PDZD2: variants seen among roughly 807,000 people sequenced by gnomAD.
The protein encoded by PDZD2 is PDZ domain containing 2, also known as PDZ domain-containing protein 2.
In PDZD2, 90 loss-of-function variants were observed where a neutral mutation model predicts 220.7. The observed-to-expected ratio is 0.41, with a 90% confidence interval of 0.34 to 0.49. PDZD2 has a LOEUF of 0.49. Ranked by LOEUF, PDZD2 falls within the 20% of genes least tolerant of loss-of-function variation. The pLI is 0.28. For missense variants in PDZD2, 3,174 were observed against 3,608.5 expected (o/e 0.88, Z 3.08); for synonymous variants, 1,375 against 1,450.5 (o/e 0.95, Z 1.18).
intron 19 of PDZD2, among the ~76,000 whole-genome samples, chr5:32,081,097 C>T (rs569105043): frequency 1.3e-5 from 2 of 151,956 alleles, no homozygotes; most frequent in South Asian, 2.1e-4. Context: ...AAAAATACCG[C>T]GGGTTTGTAC....
chr5:31,772,446 TG>T (rs774742016), intron 1 of PDZD2, among the ~76,000 whole-genome samples: 4 of 152,226 alleles, frequency 2.6e-5, no homozygotes, highest in Non-Finnish European at 5.9e-5. Context: ...TCCCCTCTGT[TG>T]TTCAGGTGTG....
intron 5 of PDZD2, among the ~76,000 whole-genome samples, chr5:32,008,621 A>G (rs1366992608): frequency 2.0e-5 from 3 of 152,190 alleles, no homozygotes; most frequent in African/African-American, 7.2e-5. Flanking sequence ...TGCTAGGGAA[A>G]TGAGCACAGG....
chr5:31,809,392 T>C (rs1421730952), intron 2 of PDZD2, among the ~76,000 whole-genome samples: 1 of 152,352 alleles, frequency 6.6e-6, no homozygotes, highest in African/African-American at 2.4e-5. Context: ...AATGGCAACA[T>C]CTGAGCTATC....
chr5:31,806,369 A>G (rs1432223324), intron 2 of PDZD2, among the ~76,000 whole-genome samples: 1 of 152,172 alleles, frequency 6.6e-6, no homozygotes, highest in Non-Finnish European at 1.5e-5. Flanking sequence ...TGTACCCCAG[A>G]CCCGCTTTAG....
intron 2 of PDZD2, among the ~76,000 whole-genome samples, chr5:31,855,604 T>C (rs1225453683): frequency 1.3e-5 from 2 of 152,318 alleles, no homozygotes; most frequent in East Asian, 3.9e-4. Flanking sequence ...CTGTCCCCCA[T>C]CCCTCGCTAG....
chr5:32,088,749 T>C lies in PDZD2; in HGVS notation c.5301T>C (p.Asn1767=). ...CCTTCAGTGTGGATGTCCCTAAGAATGGAGAATCTGTTTTGGAAAACCTCC... is the reference window on the plus strand; with the variant it reads ...CCTTCAGTGTGGATGTCCCTAAGAACGGAGAATCTGTTTTGGAAAACCTCC... ...LSSFSVDVPK[N]GESVLENLHI... is the part of the protein sequence containing the mutation. The change falls in exon 20 of 25, where the codon AAT becomes AAC. Residue 1767 remains asparagine (N), a synonymous_variant. Transcript: ENST00000438447. The surrounding 1 kb of genome is among the most constrained non-coding windows in gnomAD (Gnocchi z 4.6). 4 of 1,614,042 alleles carry C rather than the reference T, an allele frequency of 2.5e-6. No homozygotes were observed. Among genetic ancestry groups the C allele is most frequent in the Non-Finnish European group, 3.4e-6 (4 of 1,179,974 alleles).
At chr5:32,106,382 T>G (rs1215101196) in intron 24 of PDZD2, 1 of 152,272 alleles carries the variant, frequency 6.6e-6, no homozygotes, top group African/African-American at 2.4e-5. Context: ...GAAGCTTTGC[T>G]CACTCACCCA....
intron 1 of PDZD2, among the ~76,000 whole-genome samples, chr5:31,710,764 C>T (rs553495449): frequency 3.3e-5 from 5 of 150,476 alleles, no homozygotes; most frequent in South Asian, 2.1e-4. Flanking sequence ...TGCAGTGAGC[C>T]GGGATCGCGC....
At position 31,639,631 on chromosome 5, in the gene PDZD2, C is replaced by G. The variant is rs962903380; in HGVS notation, c.-361+194C>G. 3.9e-5 allele frequency among the ~76,000 whole-genome samples: 6 copies of G among 152,180 alleles called. No individual in the cohort carries two copies. Among genetic ancestry groups the G allele is most frequent in the African/African-American group, 9.6e-5 (4 of 41,456 alleles). On this transcript the variant is annotated intron_variant, in intron 1 of 24. Transcript: ENST00000438447. This position sits in a 1 kb window ranked among gnomAD's most constrained non-coding sequence, Gnocchi z 4.1. ...CCCACGTTGGGCGGCGCAAACTCCT[C>G]TAGCATCCGGCCGGGGACGGGGAGG...
chr5:32,052,765 G>A (rs764762857), intron 9 of PDZD2, 35 bp downstream of exon 9: 9 of 1,605,100 alleles, frequency 5.6e-6, no homozygotes, highest in Non-Finnish European at 7.7e-6. Flanking sequence ...CTGCCTTCTG[G>A]GTGAATCTTA....
At chr5:31,775,022 C>A (rs1009903371) in intron 1 of PDZD2, among the ~76,000 whole-genome samples, 4 of 152,204 alleles carry the variant, frequency 2.6e-5, no homozygotes, top group African/African-American at 9.7e-5. Context: ...TTGCAAACTT[C>A]CTGAAATTTT....
intron 23 of PDZD2, chr5:32,100,670 A>C (rs561173857): frequency 1.6e-5 from 6 of 367,036 alleles, no homozygotes; most frequent in South Asian, 1.2e-4. Flanking sequence ...TGGTGCTGCC[A>C]AGTCTTGGTA....
intron 2 of PDZD2, among the ~76,000 whole-genome samples, chr5:31,953,545 T>TG (rs932966735): frequency 2.0e-5 from 3 of 152,098 alleles, no homozygotes; most frequent in Admixed American, 2.0e-4. Context: ...CCTGGCATGG[T>TG]GGCTCTCACT....
At chr5:31,822,683 C>T in intron 2 of PDZD2, 11 of 1,316,230 alleles carry the variant, frequency 8.4e-6, no homozygotes, top group Non-Finnish European at 1.1e-5. Context: ...GAAACAAGCT[C>T]AATGTCATTT....
At chr5:32,053,674 G>T in intron 9 of PDZD2, 95 bp from the exon 10 acceptor site, 3 of 765,592 alleles carry the variant, frequency 3.9e-6, no homozygotes, top group Admixed American at 1.9e-5. Context: ...ATACTACAAT[G>T]GGACAGATGC....
At chr5:31,649,930 T>C in intron 1 of PDZD2, among the ~76,000 whole-genome samples, 1 of 80,446 alleles carries the variant, frequency 1.2e-5, no homozygotes, top group East Asian at 3.7e-4. Flanking sequence ...AGAGTGAGAC[T>C]CCGTCTCAAA....
chr5:32,019,213 C>G (rs1337412957), intron 6 of PDZD2, among the ~76,000 whole-genome samples: 1 of 140,674 alleles, frequency 7.1e-6, no homozygotes, highest in African/African-American at 2.6e-5. Context: ...ACAATTATGG[C>G]TCACTGCAGC....
chr5:31,983,481 A>G lies in PDZD2; in HGVS notation c.803A>G (p.Asn268Ser), dbSNP rs768153899. The G allele has an allele frequency of 1.9e-6, 3 of 1,614,210 alleles. No homozygotes were observed. Among genetic ancestry groups the G allele is most frequent in the Non-Finnish European group, 2.5e-6 (3 of 1,180,038 alleles). Reference protein sequence around the residue: ...LGNGHVFQLENGPDSLKEVAG... With the variant: ...LGNGHVFQLESGPDSLKEVAG... ...AACGGCCATGTCTTTCAGCTAGAAA[A>G]TGGCCCAGATTCTCTCAAGGAGGTG... The change falls in exon 3 of 25, where the codon AAT becomes AGT. Residue 268 changes from asparagine to serine, a missense_variant. Physicochemically the swap from Asn to Ser is conservative, Grantham distance 46. Around this residue, in one of 4 missense-constraint regions of PDZD2, gnomAD observed 632 missense variants for 708.1 expected, o/e 0.89. Transcript: ENST00000438447.
At chr5:31,735,257 C>T (rs560017369) in intron 1 of PDZD2, among the ~76,000 whole-genome samples, 8 of 152,292 alleles carry the variant, frequency 5.3e-5, no homozygotes, top group African/African-American at 1.9e-4. Flanking sequence ...TGTGTTCGCA[C>T]AGCTCACGCA....
Sources: allele counts gnomAD v4.1 joint callset (sites outside exome capture counted in the v4.1 genomes callset), GRCh38; gene constraint gnomAD v4.1.1; regional missense constraint gnomAD v4.1.1; non-coding constraint Gnocchi (gnomAD v3.1); transcripts MANE v1.5; gene names NCBI Gene and HGNC (gene_info 2026-07-23, HGNC 2026-07-21).